The following COL19A1 variants were observed in gnomAD, a reference collection of about 807,000 sequenced individuals.
The protein encoded by COL19A1 is collagen alpha-1(XIX) chain.
In COL19A1, 159 loss-of-function variants were observed where a neutral mutation model predicts 190.2. The observed-to-expected ratio is 0.84, with a 90% CI of 0.73 to 0.95. COL19A1 has a LOEUF of 0.95. Among genes scored for constraint, COL19A1 ranks in the 40% least tolerant of loss-of-function variants. COL19A1 has a pLI of 0.00. For missense variants in COL19A1, 1,418 were observed against 1,431.9 expected, an observed-to-expected ratio of 0.99 and a Z score of 0.16; for synonymous variants, 509 against 458.9, an observed-to-expected ratio of 1.11 and a Z score of -1.39.
intron 16 of COL19A1, among the ~76,000 whole-genome samples, chr6:70,119,401 C>T (rs942505450): frequency 6.6e-6 from 1 of 152,182 alleles, no homozygotes; most frequent in Non-Finnish European, 1.5e-5. Flanking sequence ...GCACCAAGCA[C>T]TGTGAAGTAC....
intron 12 of COL19A1, among the ~76,000 whole-genome samples, chr6:70,033,966 A>G (rs1398586718): frequency 2.0e-5 from 3 of 152,134 alleles, no homozygotes; most frequent in Non-Finnish European, 4.4e-5. Context: ...ATAGATCTAA[A>G]TGATATTCTC....
At chr6:69,974,910 T>G (rs1775630649) in intron 11 of COL19A1, among the ~76,000 whole-genome samples, 2 of 150,238 alleles carry the variant, frequency 1.3e-5, no homozygotes, top group South Asian at 4.2e-4. Flanking sequence ...CCTCCCGAGT[T>G]CGCGCCATTT....
At chr6:69,997,415 G>T (rs922780740) in intron 11 of COL19A1, among the ~76,000 whole-genome samples, 3 of 152,290 alleles carry the variant, frequency 2.0e-5, no homozygotes, top group African/African-American at 7.2e-5. Flanking sequence ...GAGGGCCAGG[G>T]TCTCAGATAC....
At chr6:70,192,903 G>T (rs988640829) in intron 48 of COL19A1, among the ~76,000 whole-genome samples, 1 of 152,192 alleles carries the variant, frequency 6.6e-6, no homozygotes, top group South Asian at 2.1e-4. Context: ...TTTTTGAATT[G>T]CAATCTAAAG....
Position 70,212,302 on chromosome 6 carries a change from C to G in COL19A1, c.*5028C>G, listed in dbSNP as rs1380579342. Among the ~76,000 whole-genome samples, 3 of 152,104 alleles carry G rather than the reference C, an allele frequency of 2.0e-5. No homozygotes were observed. Among genetic ancestry groups the G allele is most frequent in the Non-Finnish European group, 4.4e-5 (3 of 68,026 alleles). ...GTTCTCTATCTTACCTCATCAAACT[C>G]TTTACGATTTAATTGAATATACTCA... On this transcript the variant is annotated 3_prime_UTR_variant, in exon 51 of 51. Transcript: ENST00000620364.
At chr6:70,158,311 A>G (rs1344349455) in intron 34 of COL19A1, among the ~76,000 whole-genome samples, 1 of 152,126 alleles carries the variant, frequency 6.6e-6, no homozygotes, top group Non-Finnish European at 1.5e-5. Context: ...TTGACCAAAA[A>G]CAAGTGCATT....
At chr6:70,144,799 G>A (rs1562216300) in intron 24 of COL19A1, 119 bp from the exon 25 acceptor site, 1 of 686,382 alleles carries the variant, frequency 1.5e-6, no homozygotes, top group Non-Finnish European at 2.6e-6. Flanking sequence ...GAGTGAGTGA[G>A]TGAATGAATG....
At chr6:69,888,636 C>T (rs1176322181) in intron 2 of COL19A1, among the ~76,000 whole-genome samples, 1 of 151,904 alleles carries the variant, frequency 6.6e-6, no homozygotes, top group African/African-American at 2.4e-5. Context: ...ACTAAAATTA[C>T]AAAAAAATTA....
At chr6:69,921,636 ATATT>A (rs1451326284) in intron 4 of COL19A1, among the ~76,000 whole-genome samples, 5 of 143,042 alleles carry the variant, frequency 3.5e-5, no homozygotes, top group African/African-American at 1.1e-4. Flanking sequence ...AGATTCGTAT[ATATT>A]CGTATATAGA....
chr6:70,117,447 G>C (rs570291290), intron 16 of COL19A1, among the ~76,000 whole-genome samples: 1 of 152,298 alleles, frequency 6.6e-6, no homozygotes, highest in South Asian at 2.1e-4. Context: ...CAGACATCAT[G>C]GTATTTCTGT....
At chr6:69,938,963 C>T (rs1165923368) in intron 9 of COL19A1, among the ~76,000 whole-genome samples, 1 of 152,070 alleles carries the variant, frequency 6.6e-6, no homozygotes, top group Non-Finnish European at 1.5e-5. Context: ...TTGGGAAGTC[C>T]ATGATTCTAA....
chr6:70,106,514 C>T (rs1783978337), intron 16 of COL19A1, among the ~76,000 whole-genome samples: 1 of 152,122 alleles, frequency 6.6e-6, no homozygotes, highest in African/African-American at 2.4e-5. Flanking sequence ...GTATATCACT[C>T]CAATTTAGCT....
intron 50 of COL19A1, 24 bp from the exon 51 acceptor site, chr6:70,207,123 G>T (rs1201946745): frequency 6.3e-7 from 1 of 1,583,224 alleles, no homozygotes; most frequent in Admixed American, 1.7e-5. Flanking sequence ...GATCTGCATT[G>T]TAATTTTTTT....
At chr6:69,997,731 C>T (rs1777004777) in intron 11 of COL19A1, among the ~76,000 whole-genome samples, 1 of 151,858 alleles carries the variant, frequency 6.6e-6, no homozygotes, top group Non-Finnish European at 1.5e-5. Flanking sequence ...TGAACAGAGC[C>T]ACAACATTCT....
Position 69,938,002 on chromosome 6 carries a change from G to C in COL19A1, c.874-36G>C, listed in dbSNP as rs748492596. The C allele has an allele frequency of 2.5e-6, 4 of 1,603,450 alleles. No homozygotes were observed. The East Asian group carries it at 9.0e-5, about 36-fold the overall frequency. ...CATTTGGCTTTAGATCAATGTGACA[G>C]AATGTTTGCTAACACAGATATGCAT... On this transcript the variant is annotated intron_variant, in intron 8 of 50. Transcript: ENST00000620364.
intron 13 of COL19A1, among the ~76,000 whole-genome samples, chr6:70,035,049 C>T (rs897933201): frequency 6.6e-6 from 1 of 152,172 alleles, no homozygotes; most frequent in African/African-American, 2.4e-5. Flanking sequence ...TAAGTTTTAA[C>T]TTCTGAGGTG....
At chr6:69,917,926 C>T (rs528308590) in intron 4 of COL19A1, among the ~76,000 whole-genome samples, 1 of 152,078 alleles carries the variant, frequency 6.6e-6, no homozygotes, top group Non-Finnish European at 1.5e-5. Context: ...GGCCAGTGGG[C>T]GGTGAGTTGA....
In COL19A1 at chr6:70,146,573, G is replaced by A. The variant is rs919880687; in HGVS notation, c.1771-86G>A. 4.1e-6 allele frequency: 4 copies of A among 976,960 alleles called. No homozygotes were observed. In the African/African-American group the frequency reaches 5.1e-5, roughly 12 times the overall value. The allele number at this position is 976,960 out of a possible 1,614,324, so 60.5% of individuals were successfully genotyped here. On this transcript the variant is annotated intron_variant, in intron 25 of 50. Coordinates refer to ENST00000620364, the MANE Select transcript of COL19A1 (RefSeq NM_001858.6). ...AAGATTTATTCAAGCAAGATGAAGAGTGATGAAACATATTTTAGTTATAAC... is the reference window on the plus strand; with the variant it reads ...AAGATTTATTCAAGCAAGATGAAGAATGATGAAACATATTTTAGTTATAAC...
At chr6:70,030,498 A>G (rs1026479904) in intron 12 of COL19A1, among the ~76,000 whole-genome samples, 12 of 152,122 alleles carry the variant, frequency 7.9e-5, no homozygotes, top group Non-Finnish European at 1.0e-4. Context: ...TAAATGCTGT[A>G]CCTAATGTTT....
Sources: allele counts gnomAD v4.1 joint callset (sites outside exome capture counted in the v4.1 genomes callset), GRCh38; gene constraint gnomAD v4.1.1; transcripts MANE v1.5; gene names NCBI Gene and HGNC (gene_info 2026-07-23, HGNC 2026-07-21).